The following ULK4 variants were observed in gnomAD, a reference collection of about 807,000 sequenced individuals.
The protein encoded by ULK4 is inactive serine/threonine-protein kinase ULK4.
ULK4 carries 133 observed loss-of-function variants against 160.6 expected under a neutral mutation model. The ratio of observed to expected loss-of-function variants is 0.83; its 90% CI spans 0.72 to 0.96. ULK4 has a LOEUF of 0.96. Ranked by LOEUF, ULK4 falls within the 40% of genes least tolerant of loss-of-function variation. The pLI, the probability that ULK4 is intolerant of heterozygous loss-of-function variation, is 0.00. For missense variants in ULK4, 1,580 were observed against 1,499.5 expected, an observed-to-expected ratio of 1.05 and a Z score of -0.89; for synonymous variants, 534 against 539.8, an observed-to-expected ratio of 0.99 and a Z score of 0.15.
chr3:41,506,767 A>AAAAAAAAAAT, intron 32 of ULK4, among the ~76,000 whole-genome samples: 1 of 56,766 alleles, frequency 1.8e-5, no homozygotes, highest in African/African-American at 8.2e-5. Flanking sequence ...TGTGATTTAA[A>AAAAAAAAAAT]ATATATATAT....
intron 31 of ULK4, among the ~76,000 whole-genome samples, chr3:41,613,052 G>A (rs902709083): frequency 1.3e-5 from 2 of 152,178 alleles, no homozygotes; most frequent in Non-Finnish European, 2.9e-5. Context: ...GAAGGCATAA[G>A]TAGCAGCCGA....
At chr3:41,856,560 TACAC>T (rs747299544) in intron 17 of ULK4, among the ~76,000 whole-genome samples, 20,423 of 57,540 alleles carry the variant, frequency 0.35, 2,349 homozygotes, top group Middle Eastern at 0.5. Flanking sequence ...TGTATATATA[TACAC>T]ATATATATAT....
At chr3:41,790,700 T>C (rs1156395153) in intron 20 of ULK4, among the ~76,000 whole-genome samples, 1 of 152,086 alleles carries the variant, frequency 6.6e-6, no homozygotes, top group East Asian at 1.9e-4. Context: ...TTATCAGGTG[T>C]AGAAAAAGAA....
intron 30 of ULK4, among the ~76,000 whole-genome samples, chr3:41,660,596 T>C (rs988912470): frequency 1.8e-4 from 27 of 152,202 alleles, no homozygotes; most frequent in African/African-American, 6.5e-4. Flanking sequence ...TTCCTTAAGG[T>C]ATGTAAAAAT....
intron 34 of ULK4, among the ~76,000 whole-genome samples, chr3:41,421,312 G>GT (rs2082659371): frequency 1.3e-5 from 2 of 152,210 alleles, no homozygotes; most frequent in East Asian, 3.9e-4. Flanking sequence ...AGCATTACCT[G>GT]TATCATACTG....
Position 41,488,340 on chromosome 3 carries a change from G to A in ULK4, c.3227-25087C>T, listed in dbSNP as rs149490087. ...CCTCTGCATAGGAAAAAGTGGAGAC[G>A]GTCCAGAGAGTTGGAAATTAGGCAT... On this transcript the variant is annotated intron_variant, in intron 32 of 36. Transcript: ENST00000301831. 7.1e-3 allele frequency among the ~76,000 whole-genome samples: 1,074 copies of A among 152,172 alleles called. 9 individuals are homozygous for A. The highest frequency in any genetic ancestry group is 0.025 in the African/African-American group (1,026 of 41,510).
chr3:41,424,132 A>G (rs952401357), intron 34 of ULK4, among the ~76,000 whole-genome samples: 4 of 151,990 alleles, frequency 2.6e-5, no homozygotes, highest in Non-Finnish European at 5.9e-5. Context: ...GTTTGGATCC[A>G]GGAGGAATTC....
At chr3:41,407,845 T>A (rs945218759) in intron 34 of ULK4, among the ~76,000 whole-genome samples, 1 of 151,476 alleles carries the variant, frequency 6.6e-6, no homozygotes, top group Admixed American at 6.6e-5. Flanking sequence ...ATAATGGAGG[T>A]TCTAGCTAGA....
intron 25 of ULK4, among the ~76,000 whole-genome samples, chr3:41,706,172 G>T (rs2036871131): frequency 6.6e-6 from 1 of 151,746 alleles, no homozygotes; most frequent in African/African-American, 2.4e-5. Flanking sequence ...TAGCTCGGCT[G>T]TGAGCTCTGA....
At chr3:41,875,321 G>C (rs1697259936) in intron 17 of ULK4, among the ~76,000 whole-genome samples, 1 of 152,178 alleles carries the variant, frequency 6.6e-6, no homozygotes, top group Admixed American at 6.5e-5. Flanking sequence ...GGGAGGCTGA[G>C]GTTAATGGAT....
intron 30 of ULK4, among the ~76,000 whole-genome samples, chr3:41,660,143 A>C (rs1235604359): frequency 6.6e-6 from 1 of 152,040 alleles, no homozygotes; most frequent in East Asian, 1.9e-4. Context: ...ATACAAAAAC[A>C]AATTAGTGGG....
intron 32 of ULK4, among the ~76,000 whole-genome samples, chr3:41,532,995 G>A (rs1040527382): frequency 7.9e-5 from 12 of 152,166 alleles, no homozygotes; most frequent in African/African-American, 1.2e-4. Context: ...CCAAGCCTAG[G>A]CAGCAAGAGG....
intron 18 of ULK4, among the ~76,000 whole-genome samples, chr3:41,832,454 G>C (rs2041624721): frequency 6.6e-6 from 1 of 151,990 alleles, no homozygotes; most frequent in Admixed American, 6.5e-5. Flanking sequence ...TTGTCAGATG[G>C]GTAGATTGCA....
At chr3:41,667,781 C>A (rs552977544) in intron 29 of ULK4, among the ~76,000 whole-genome samples, 2 of 152,294 alleles carry the variant, frequency 1.3e-5, no homozygotes, top group African/African-American at 4.8e-5. Context: ...AGCAGAGATC[C>A]AGGCAGGAAA....
At chr3:41,879,396 A>T (rs754795057) in intron 17 of ULK4, among the ~76,000 whole-genome samples, 26 of 152,218 alleles carry the variant, frequency 1.7e-4, no homozygotes, top group Non-Finnish European at 3.2e-4. Flanking sequence ...AGCAGGACAC[A>T]AGATGAAACA....
chr3:41,383,351 G>A lies in ULK4; in HGVS notation c.3678+14728C>T, dbSNP rs555816284. ...TGACCTAAGGTGATCCACCTGCCTC[G>A]GCCTCCCAAAGTGCTAGGATTACAG... On this transcript the variant is annotated intron_variant, in intron 35 of 36. Transcript: ENST00000301831. 4.1e-4 allele frequency among the ~76,000 whole-genome samples: 62 copies of A among 152,054 alleles called. No individual in the cohort carries two copies. The Middle Eastern group carries it at 0.01, about 25-fold the overall frequency.
chr3:41,764,698 T>C (rs2039102132), intron 21 of ULK4, among the ~76,000 whole-genome samples: 1 of 152,220 alleles, frequency 6.6e-6, no homozygotes, highest in South Asian at 2.1e-4. Flanking sequence ...AATTTGAGCT[T>C]TGGAATCAGG....
intron 6 of ULK4, 78 bp downstream of exon 6, chr3:41,919,639 G>A: frequency 8.2e-7 from 1 of 1,216,956 alleles, no homozygotes; most frequent in Non-Finnish European, 1.2e-6. Flanking sequence ...CATCTTATAG[G>A]TAAAACATCT....
intron 22 of ULK4, among the ~76,000 whole-genome samples, chr3:41,719,895 G>C (rs929848175): frequency 6.6e-6 from 1 of 151,934 alleles, no homozygotes; most frequent in African/African-American, 2.4e-5. Context: ...CTCCAGTTTC[G>C]TCTTGTTTTC....
Sources: gnomAD v4.1 joint callset for allele counts (sites outside exome capture counted in the v4.1 genomes callset) on GRCh38, gnomAD v4.1.1 for gene constraint, MANE v1.5 for transcripts, NCBI Gene and HGNC (gene_info 2026-07-23, HGNC 2026-07-21) for gene names.